The following DLGAP1 variants were observed in gnomAD, a reference collection of about 807,000 sequenced individuals.
The protein encoded by DLGAP1 is DLG associated protein 1.
A neutral mutation model predicts 90.8 loss-of-function variants in DLGAP1; 11 were observed. The ratio of observed to expected loss-of-function variants is 0.12; its 90% CI spans 0.08 to 0.20. The LOEUF is 0.20. Ranked by LOEUF, DLGAP1 falls within the 10% of genes least tolerant of loss-of-function variation. The pLI, the probability that DLGAP1 is intolerant of heterozygous loss-of-function variation, is 1.00. For missense variants in DLGAP1, 1,050 were observed against 1,333.8 expected (o/e 0.79, Z 3.31); for synonymous variants, 558 against 540.7 (o/e 1.03, Z -0.44).
At chr18:3,541,195 C>T (rs2052673473) in intron 9 of DLGAP1, among the ~76,000 whole-genome samples, 1 of 151,748 alleles carries the variant, frequency 6.6e-6, no homozygotes, top group Middle Eastern at 3.2e-3. Flanking sequence ...TTTCTTTCTG[C>T]ACACTAAGTT....
chr18:4,106,031 C>CAAAAAAAAAAAA (rs60176243), intron 2 of DLGAP1, among the ~76,000 whole-genome samples: 2 of 102,274 alleles, frequency 2.0e-5, no homozygotes, highest in African/African-American at 3.4e-5. Flanking sequence ...GGGTCCGTCT[C>CAAAAAAAAAAAA]AAAAAAAAAA....
chr18:3,576,301 C>T (rs2055128933), intron 8 of DLGAP1, among the ~76,000 whole-genome samples: 2 of 151,752 alleles, frequency 1.3e-5, no homozygotes, highest in Admixed American at 6.6e-5. Flanking sequence ...GCTCTGTCGC[C>T]CAGGCTGGAG....
chr18:4,050,431 A>G (rs1471116006), intron 2 of DLGAP1, among the ~76,000 whole-genome samples: 1 of 152,230 alleles, frequency 6.6e-6, no homozygotes, highest in Non-Finnish European at 1.5e-5. Context: ...TATGCAGGAT[A>G]GGTATTATTT....
intron 3 of DLGAP1, among the ~76,000 whole-genome samples, chr18:3,986,868 C>G (rs1055084062): frequency 4.6e-5 from 7 of 152,048 alleles, no homozygotes; most frequent in African/African-American, 1.7e-4. Flanking sequence ...ACCTATTGTC[C>G]TGAGCTCCCC....
At chr18:3,883,485 G>T (rs1363210129) in intron 3 of DLGAP1, among the ~76,000 whole-genome samples, 1 of 152,194 alleles carries the variant, frequency 6.6e-6, no homozygotes, top group Non-Finnish European at 1.5e-5. Context: ...AATCAGTACA[G>T]TCACTCAAAA....
Position 3,879,931 on chromosome 18 carries a change from G to A in DLGAP1, c.138C>T (p.Tyr46=). 6.2e-7 allele frequency: 1 copy of A among 1,612,860 alleles called. No individual in the cohort carries two copies. The highest frequency in any genetic ancestry group is 8.5e-7 in the Non-Finnish European group (1 of 1,179,946). Residue 46 remains tyrosine, a synonymous_variant, in exon 4 of 13, where the codon TAC becomes TAT. Coordinates refer to ENST00000315677, the MANE Select transcript of DLGAP1 (RefSeq NM_004746.4). The surrounding 1 kb of genome is among the most constrained non-coding windows in gnomAD (Gnocchi z 6.6). ...CCTGGAAGGAGTTCCGCTGGGTGTA[G>A]TATGGGTGGTCTGCGGGGTGGTGCT... The part of the protein sequence containing the change: ...PVEHHPADHP[Y]YTQRNSFQAE...
At chr18:3,770,471 G>A (rs1208237044) in intron 5 of DLGAP1, among the ~76,000 whole-genome samples, 1 of 152,098 alleles carries the variant, frequency 6.6e-6, no homozygotes, top group Non-Finnish European at 1.5e-5. Flanking sequence ...GACTGGAGGT[G>A]GCCATAGGAA....
At chr18:3,748,755 C>T (rs1315671996) in intron 5 of DLGAP1, among the ~76,000 whole-genome samples, 2 of 152,130 alleles carry the variant, frequency 1.3e-5, no homozygotes, top group African/African-American at 4.8e-5. Context: ...GACAATGGTA[C>T]TTAGTAGGTG....
chr18:3,674,296 A>AAAAAAAAAAAAATATATATATATAT (rs755076240), intron 7 of DLGAP1, among the ~76,000 whole-genome samples: 3 of 128,992 alleles, frequency 2.3e-5, no homozygotes, highest in Admixed American at 7.5e-5. Context: ...ATAATATTAA[A>AAAAAAAAAAAAATATATATATATAT]ATATATATAT....
intron 4 of DLGAP1, among the ~76,000 whole-genome samples, chr18:3,819,083 G>A (rs953076433): frequency 3.3e-5 from 5 of 151,696 alleles, no homozygotes; most frequent in Non-Finnish European, 5.9e-5. Flanking sequence ...AGGCCGAGAC[G>A]GGCAGATCAT....
chr18:4,245,019 T>G (rs947361495), intron 1 of DLGAP1, among the ~76,000 whole-genome samples: 4 of 152,224 alleles, frequency 2.6e-5, no homozygotes, highest in African/African-American at 9.6e-5. Context: ...CACAGGAAAT[T>G]GCCATTTTAT....
chr18:3,532,979 A>T (rs1377939646), intron 10 of DLGAP1, among the ~76,000 whole-genome samples: 1 of 152,162 alleles, frequency 6.6e-6, no homozygotes, highest in East Asian at 1.9e-4. Flanking sequence ...TTCAAATGTT[A>T]AAAGGTCAAG....
chr18:3,816,104 T>C (rs951253004), intron 4 of DLGAP1, among the ~76,000 whole-genome samples: 2 of 152,180 alleles, frequency 1.3e-5, no homozygotes, highest in Admixed American at 6.5e-5. Context: ...AAAAATTGCC[T>C]ATAAGATCTC....
At chr18:4,416,921 A>T (rs1251266514) in intron 1 of DLGAP1, among the ~76,000 whole-genome samples, 2 of 152,196 alleles carry the variant, frequency 1.3e-5, no homozygotes, top group Admixed American at 1.3e-4. Flanking sequence ...TAACAAAACT[A>T]AACTGAACTT....
chr18:4,373,521 A>C (rs1302484096), intron 1 of DLGAP1, among the ~76,000 whole-genome samples: 3 of 152,200 alleles, frequency 2.0e-5, no homozygotes, highest in Non-Finnish European at 4.4e-5. Context: ...GCCCACCTCC[A>C]GGTTAGCTAG....
chr18:4,327,011 A>G (rs948432096), intron 1 of DLGAP1, among the ~76,000 whole-genome samples: 3 of 152,114 alleles, frequency 2.0e-5, no homozygotes, highest in Non-Finnish European at 4.4e-5. Context: ...AGTCACATTT[A>G]TAGAAATACA....
intron 5 of DLGAP1, among the ~76,000 whole-genome samples, chr18:3,759,183 G>A (rs1460175220): frequency 2.6e-5 from 4 of 152,000 alleles, no homozygotes; most frequent in Admixed American, 6.5e-5. Context: ...TAGGGTGAAA[G>A]GGAGTTGAGA....
Position 4,378,831 on chromosome 18 carries a change from C to G in DLGAP1, c.-267+76175G>C, listed in dbSNP as rs1464761889. On this transcript the variant is annotated intron_variant, in intron 1 of 12. Coordinates refer to ENST00000315677, the MANE Select transcript of DLGAP1 (RefSeq NM_004746.4). This position sits in a 1 kb window ranked among gnomAD's most constrained non-coding sequence, Gnocchi z 4.5. ...TAAACACCATTCCATGAACCTCATTCATTCTTACTATTTAGCTCTGCATTT... is the reference window on the plus strand; with the variant it reads ...TAAACACCATTCCATGAACCTCATTGATTCTTACTATTTAGCTCTGCATTT... Among the ~76,000 whole-genome samples, 2 of 152,120 alleles carry G rather than the reference C, an allele frequency of 1.3e-5. No individual in the cohort carries two copies. The highest frequency in any genetic ancestry group is 2.9e-5 in the Non-Finnish European group (2 of 68,006).
chr18:3,778,854 C>T (rs1795786416), intron 5 of DLGAP1, among the ~76,000 whole-genome samples: 1 of 152,196 alleles, frequency 6.6e-6, no homozygotes, highest in Non-Finnish European at 1.5e-5. Flanking sequence ...GCCCTGGAGA[C>T]ATAGCGTGGC....
Sources: gnomAD v4.1 joint callset for allele counts (sites outside exome capture counted in the v4.1 genomes callset) on GRCh38, gnomAD v4.1.1 for gene constraint, Gnocchi (gnomAD v3.1) non-coding constraint, MANE v1.5 for transcripts, NCBI Gene and HGNC (gene_info 2026-07-23, HGNC 2026-07-21) for gene names.